VPS50: variants seen among roughly 807,000 people sequenced by gnomAD.
VPS50 encodes VPS50 subunit of EARP/GARPII complex.
VPS50 carries 70 observed loss-of-function variants against 139.7 expected under a neutral mutation model. That is an observed-to-expected ratio of 0.50 (90% CI 0.41 to 0.61). VPS50 has a LOEUF of 0.61. Among genes scored for constraint, VPS50 ranks in the 20% least tolerant of loss-of-function variants. The pLI, the probability that VPS50 is intolerant of heterozygous loss-of-function variation, is 0.00. For synonymous variants in VPS50, 365 were observed against 376.7 expected, an observed-to-expected ratio of 0.97 and a Z score of 0.36; for missense variants, 921 against 1,133.7, an observed-to-expected ratio of 0.81 and a Z score of 2.69.
chr7:93,301,972 T>C (rs1584445836), intron 16 of VPS50, among the ~76,000 whole-genome samples: 1 of 152,206 alleles, frequency 6.6e-6, no homozygotes, highest in Admixed American at 6.5e-5. Flanking sequence ...CATGAAGTGG[T>C]ATCTTATTAT....
At position 93,297,218 on chromosome 7, in the gene VPS50, G is replaced by A. The variant is rs1166212056; in HGVS notation, c.1336G>A (p.Val446Ile). 1.9e-6 allele frequency: 3 copies of A among 1,555,468 alleles called. No homozygotes were observed. Among genetic ancestry groups the A allele is most frequent in the Non-Finnish European group, 1.7e-6 (2 of 1,162,048 alleles). ...VLQESIRKQS[V>I]NYFKNYHRTR... ...ACAGGAATCTATTAGAAAACAAAGTGTCAATTATTTCAAGAATTACCATAG... is the reference window on the plus strand; with the variant it reads ...ACAGGAATCTATTAGAAAACAAAGTATCAATTATTTCAAGAATTACCATAG... The change falls in exon 16 of 28, where the codon GTC becomes ATC. Residue 446 changes from valine to isoleucine, a missense_variant. Around this residue, in one of 3 missense-constraint regions of VPS50, gnomAD observed 744 missense variants for 930.6 expected, o/e 0.80. Transcript: ENST00000305866.
rs558447931 is a variant in VPS50, at chr7:93,309,527, T to C, written c.1748+585T>C. Among the ~76,000 whole-genome samples the C allele has an allele frequency of 2.2e-4, 34 of 152,074 alleles. No homozygotes were observed. The South Asian group carries it at 7.0e-3, about 31-fold the overall frequency. On this transcript the variant is annotated intron_variant, in intron 19 of 27. Transcript: ENST00000305866. ...CTTTGGTGGCCATTTATGCTTTACA[T>C]AGATAAATAAAAATCCTCAAGGAGA...
chr7:93,265,326 G>T (rs1222496090), intron 9 of VPS50, among the ~76,000 whole-genome samples: 1 of 152,032 alleles, frequency 6.6e-6, no homozygotes, highest in Non-Finnish European at 1.5e-5. Flanking sequence ...CATGCCATAC[G>T]TCTCTGTTGC....
intron 17 of VPS50, 119 bp downstream of exon 17, chr7:93,303,669 T>G (rs1797041557): frequency 2.1e-6 from 1 of 468,700 alleles, no homozygotes; most frequent in African/African-American, 2.0e-5. Context: ...AGGAGCAGTT[T>G]CTTATCTTCC....
chr7:93,268,836 C>G (rs1041025936), intron 9 of VPS50, among the ~76,000 whole-genome samples: 13 of 152,222 alleles, frequency 8.5e-5, no homozygotes, highest in Middle Eastern at 6.8e-3. Context: ...GTGCATGTAT[C>G]TTTATAACAG....
At chr7:93,253,420 A>G (rs1189657523) in intron 3 of VPS50, among the ~76,000 whole-genome samples, 1 of 152,184 alleles carries the variant, frequency 6.6e-6, no homozygotes, top group Non-Finnish European at 1.5e-5. Flanking sequence ...AGTAGTACTT[A>G]TGGTTTGTAA....
chr7:93,251,625 C>T (rs1795336859), intron 2 of VPS50, among the ~76,000 whole-genome samples: 2 of 151,958 alleles, frequency 1.3e-5, no homozygotes, highest in Admixed American at 1.3e-4. Flanking sequence ...ATGTAACAAA[C>T]CTGCACATTC....
chr7:93,294,799 G>A (rs1386449751), intron 14 of VPS50, among the ~76,000 whole-genome samples, 163 bp downstream of exon 14: 1 of 152,050 alleles, frequency 6.6e-6, no homozygotes, highest in Non-Finnish European at 1.5e-5. Context: ...AATGTATTTG[G>A]ACTATAAGTG....
At position 93,358,404 on chromosome 7, in the gene VPS50, G is replaced by A. The variant is rs373958295; in HGVS notation, c.2863G>A (p.Ala955Thr). ...NKKARQKLLA[A>T]IDDIDRPKR ...GAAAGCAAGACAAAAACTTCTAGCA[G>A]CTATAGATGATATAGACAGACCTAA... is the stretch of plus-strand genomic sequence containing the variant. Residue 955 changes from alanine to threonine, a missense_variant, in exon 28 of 28, where the codon GCT (alanine) becomes ACT (threonine). Coordinates refer to ENST00000305866, the MANE Select transcript of VPS50 (RefSeq NM_017667.4). 6.2e-7 allele frequency: 1 copy of A among 1,611,470 alleles called. No individual in the cohort carries two copies. Among genetic ancestry groups the A allele is most frequent in the Non-Finnish European group, 8.5e-7 (1 of 1,177,832 alleles).
intron 27 of VPS50, among the ~76,000 whole-genome samples, chr7:93,357,559 TCTC>T (rs1339082705): frequency 6.6e-6 from 1 of 152,164 alleles, no homozygotes; most frequent in East Asian, 1.9e-4. Context: ...ATCAATTCTT[TCTC>T]CTATTTTGAA....
At chr7:93,261,828 G>A (rs1479958345) in intron 9 of VPS50, among the ~76,000 whole-genome samples, 2 of 152,168 alleles carry the variant, frequency 1.3e-5, no homozygotes, top group Admixed American at 6.5e-5. Flanking sequence ...GCCAGGATAT[G>A]AGAGTTGTGA....
chr7:93,288,283 C>T (rs144182504), intron 12 of VPS50, among the ~76,000 whole-genome samples: 8 of 152,096 alleles, frequency 5.3e-5, no homozygotes, highest in African/African-American at 1.2e-4. Flanking sequence ...GTAAGGGTAG[C>T]GATTATAGAA....
rs199896068 is a variant in VPS50, at chr7:93,291,827, C to T, written c.1067C>T (p.Ser356Leu). The T allele has an allele frequency of 6.8e-5, 107 of 1,579,404 alleles. No homozygotes were observed. In the Middle Eastern group the frequency reaches 8.4e-4, roughly 12 times the overall value. The change falls in exon 13 of 28, where the codon TCA becomes TTA. Residue 356 changes from serine (S) to leucine (L), a missense_variant. Around this residue, in one of 3 missense-constraint regions of VPS50, gnomAD observed 744 missense variants for 930.6 expected, o/e 0.80. Coordinates refer to ENST00000305866, the MANE Select transcript of VPS50 (RefSeq NM_017667.4). ...HEKHDNEDTA[S>L]ASEGSNMIGT... Reference sequence around the variant, plus strand: ...AAGCATGACAATGAGGATACTGCTTCAGCTTCTGGTAGGAAAATATTTTTA... The same window carrying T: ...AAGCATGACAATGAGGATACTGCTTTAGCTTCTGGTAGGAAAATATTTTTA...
chr7:93,343,177 G>A (rs867197647), intron 23 of VPS50, among the ~76,000 whole-genome samples: 1,865 of 152,274 alleles, frequency 0.012, 27 homozygotes, highest in Non-Finnish European at 0.02. Flanking sequence ...CGAGAACTAC[G>A]TGAAGAATGC....
chr7:93,297,082 C>T, intron 15 of VPS50, 63 bp from the exon 16 acceptor site: 3 of 1,519,228 alleles, frequency 2.0e-6, no homozygotes, highest in Non-Finnish European at 2.6e-6. Context: ...GAAAGAGAAA[C>T]CACACTTCTT....
intron 2 of VPS50, among the ~76,000 whole-genome samples, chr7:93,241,400 C>G (rs1472200477): frequency 1.3e-5 from 2 of 152,040 alleles, no homozygotes; most frequent in Non-Finnish European, 2.9e-5. Context: ...ATAAATGGTT[C>G]AGGTGAAGAG....
At chr7:93,305,018 A>G (rs538781371) in intron 17 of VPS50, among the ~76,000 whole-genome samples, 1 of 152,086 alleles carries the variant, frequency 6.6e-6, no homozygotes, top group South Asian at 2.1e-4. Context: ...GAAGAATATC[A>G]TTGAAAATGA....
intron 20 of VPS50, among the ~76,000 whole-genome samples, chr7:93,319,647 G>A (rs73219917): frequency 0.025 from 3,760 of 152,096 alleles, 77 homozygotes; most frequent in Non-Finnish European, 0.038. Context: ...GATGTGTCTA[G>A]CTATGATTTC....
chr7:93,352,686 G>T (rs989623060), intron 25 of VPS50, among the ~76,000 whole-genome samples: 22 of 152,096 alleles, frequency 1.4e-4, no homozygotes, highest in African/African-American at 5.1e-4. Flanking sequence ...AGTCCAAAGA[G>T]ACCAAAAACA....
Sources: allele counts gnomAD v4.1 joint callset (sites outside exome capture counted in the v4.1 genomes callset), GRCh38; gene constraint gnomAD v4.1.1; regional missense constraint gnomAD v4.1.1; transcripts MANE v1.5; gene names NCBI Gene and HGNC (gene_info 2026-07-23, HGNC 2026-07-21).